PCDHGA3: variants seen among roughly 807,000 people sequenced by gnomAD.
PCDHGA3 encodes the protein protocadherin gamma-A3.
In PCDHGA3, 40 loss-of-function variants were observed where a neutral mutation model predicts 58.5. That is an observed-to-expected ratio of 0.68 (90% confidence interval 0.53 to 0.89). The LOEUF (loss-of-function observed/expected upper bound fraction) is 0.89. Among genes scored for constraint, PCDHGA3 ranks in the 40% least tolerant of loss-of-function variants. The pLI, the probability that PCDHGA3 is intolerant of heterozygous loss-of-function variation, is 0.00. For synonymous variants in PCDHGA3, 530 were observed against 525.7 expected, an observed-to-expected ratio of 1.01 and a Z score of -0.11; for missense variants, 1,223 against 1,195.9, an observed-to-expected ratio of 1.02 and a Z score of -0.33.
intron 1 of PCDHGA3, chr5:141,404,152 T>C (rs769503668): frequency 1.9e-5 from 31 of 1,612,848 alleles, no homozygotes; most frequent in Non-Finnish European, 2.0e-5. Flanking sequence ...CAGAAGAAGA[T>C]TATTACAGAT....
Position 141,345,566 on chromosome 5 carries a change from T to C in PCDHGA3, c.1533T>C (p.Thr511=), listed in dbSNP as rs975447371. The change falls in exon 1 of 4, where the codon ACT becomes ACC. Residue 511 remains threonine, a synonymous_variant. Coordinates refer to ENST00000253812, the MANE Select transcript of PCDHGA3 (RefSeq NM_018916.4). The stretch of plus-strand genomic sequence containing the variant: ...CCTTCGTCTCTATCAACTCCAACAC[T>C]GGCGTCCTATACGCGCTGAGATCCT... ...LSSFVSINSN[T]GVLYALRSFD... The C allele has an allele frequency of 6.2e-7, 1 of 1,614,064 alleles. No individual in the cohort carries two copies. Among genetic ancestry groups the C allele is most frequent in the Non-Finnish European group, 8.5e-7 (1 of 1,180,038 alleles).
At chr5:141,448,907 T>G (rs1253773780) in intron 1 of PCDHGA3, among the ~76,000 whole-genome samples, 1 of 152,178 alleles carries the variant, frequency 6.6e-6, no homozygotes, top group African/African-American at 2.4e-5. Flanking sequence ...ATCGTGCCAC[T>G]GCACTCCAGC....
At chr5:141,460,650 T>C (rs1264813071) in intron 1 of PCDHGA3, among the ~76,000 whole-genome samples, 2 of 152,094 alleles carry the variant, frequency 1.3e-5, no homozygotes, top group East Asian at 3.9e-4. Flanking sequence ...TGTTTACACA[T>C]ATGTAACTGT....
At chr5:141,503,814 T>C (rs539980053) in intron 2 of PCDHGA3, among the ~76,000 whole-genome samples, 2 of 152,100 alleles carry the variant, frequency 1.3e-5, no homozygotes, top group East Asian at 3.9e-4. Flanking sequence ...GAATCCCAGA[T>C]TGGGCAAAAC....
chr5:141,446,850 C>T (rs1027473189), intron 1 of PCDHGA3, among the ~76,000 whole-genome samples: 2 of 152,114 alleles, frequency 1.3e-5, no homozygotes, highest in Non-Finnish European at 2.9e-5. Flanking sequence ...GCATAATAAG[C>T]TTCCTGATAG....
At chr5:141,356,573 C>G (rs1447765378) in intron 1 of PCDHGA3, 2 of 1,614,090 alleles carry the variant, frequency 1.2e-6, no homozygotes, top group Non-Finnish European at 1.7e-6. Context: ...GCTTCCTACT[C>G]TGCTTACATT....
rs866752085 is a variant in PCDHGA3, at chr5:141,424,634, A to G, written c.2425-70173A>G. ...AATAGAGTAGTTTGTGAATATATAA[A>G]TAGATTGAAGGTATTTGGACTTTAA... On this transcript the variant is annotated intron_variant, in intron 1 of 3. Coordinates refer to ENST00000253812, the MANE Select transcript of PCDHGA3 (RefSeq NM_018916.4). 6 of 152,338 alleles carry G rather than the reference A, an allele frequency of 3.9e-5. No individual in the cohort carries two copies. The South Asian group carries it at 1.2e-3, about 32-fold the overall frequency. 9.4% of individuals were successfully genotyped at this position (152,338 alleles called of 1,614,324 possible).
chr5:141,423,437 C>CACGT (rs766166209), intron 1 of PCDHGA3: 1 of 1,613,952 alleles, frequency 6.2e-7, no homozygotes, highest in Non-Finnish European at 8.5e-7. Context: ...GCAGGTATGC[C>CACGT]CACGTCACAT....
chr5:141,423,435 G>A (rs2096740494), intron 1 of PCDHGA3: 1 of 1,613,892 alleles, frequency 6.2e-7, no homozygotes, highest in Admixed American at 1.7e-5. Context: ...TGGCAGGTAT[G>A]CCCACGTCAC....
chr5:141,403,068 C>T, intron 1 of PCDHGA3: 1 of 1,614,064 alleles, frequency 6.2e-7, no homozygotes, highest in South Asian at 1.1e-5. Flanking sequence ...CCTGAAGAGA[C>T]AGAAAAGGGC....
intron 1 of PCDHGA3, chr5:141,350,851 A>G: frequency 1.2e-6 from 2 of 1,614,060 alleles, no homozygotes; most frequent in South Asian, 1.1e-5. Flanking sequence ...AAAAACCTCT[A>G]GACAGGGAAC....
chr5:141,401,109 C>G (rs1389316272), intron 1 of PCDHGA3, among the ~76,000 whole-genome samples: 2 of 152,012 alleles, frequency 1.3e-5, no homozygotes, highest in African/African-American at 2.4e-5. Flanking sequence ...TTTGGGAGGC[C>G]GAGGCGGTTG....
chr5:141,372,076 T>C (rs1768385368), intron 1 of PCDHGA3: 4 of 1,613,690 alleles, frequency 2.5e-6, no homozygotes, highest in Non-Finnish European at 2.5e-6. Context: ...AATGCACCGC[T>C]GGTGCTGTAC....
chr5:141,500,114 G>A (rs72790070), intron 2 of PCDHGA3, among the ~76,000 whole-genome samples: 10,550 of 151,670 alleles, frequency 0.07, 640 homozygotes, highest in African/African-American at 0.16. Flanking sequence ...TTGAATCCCT[G>A]CCTTTTCATA....
At chr5:141,440,868 T>A (rs1288344051) in intron 1 of PCDHGA3, 1 of 152,150 alleles carries the variant, frequency 6.6e-6, no homozygotes, top group East Asian at 1.9e-4. Flanking sequence ...ATCTAGGATG[T>A]GTACAGCGTC....
At chr5:141,413,025 A>G in intron 1 of PCDHGA3, 1 of 740,544 alleles carries the variant, frequency 1.4e-6, no homozygotes, top group Non-Finnish European at 2.1e-6. Context: ...CAAGCCCCAC[A>G]AACCGGCTGC....
At position 141,389,943 on chromosome 5, in the gene PCDHGA3, CAGTTTT is replaced by C. The variant is rs777429461; in HGVS notation, c.2424+43488_2424+43493del. The C allele has an allele frequency of 2.5e-6, 4 of 1,613,956 alleles. No homozygotes were observed. In the African/African-American group the frequency reaches 5.3e-5, roughly 22 times the overall value. On this transcript the variant is annotated intron_variant, in intron 1 of 3. Transcript: ENST00000253812. The stretch of plus-strand genomic sequence containing the variant: ...CCCCTCTGACCTCCAGGCTGAGCTG[CAGTTTT>C]ACCTAGTGGTGGCCTTGGCCTTGAT...
At chr5:141,376,296 C>A (rs769852070) in intron 1 of PCDHGA3, 44 of 1,614,066 alleles carry the variant, frequency 2.7e-5, no homozygotes, top group Middle Eastern at 1.6e-4. Flanking sequence ...ATGCCCGGCT[C>A]GCACTTTGTG....
intron 1 of PCDHGA3, chr5:141,379,407 A>G (rs750448486): frequency 1.2e-4 from 18 of 152,228 alleles, no homozygotes; most frequent in Admixed American, 2.6e-4. Flanking sequence ...AATCTTGGAT[A>G]TTAGTCTCAT....
Sources: gnomAD v4.1 joint callset for allele counts (sites outside exome capture counted in the v4.1 genomes callset) on GRCh38, gnomAD v4.1.1 for gene constraint, MANE v1.5 for transcripts, NCBI Gene and HGNC (gene_info 2026-07-23, HGNC 2026-07-21) for gene names.